TRPM8: variants seen among roughly 807,000 people sequenced by gnomAD.
The protein encoded by TRPM8 is transient receptor potential cation channel subfamily M member 8, also known as TRPM8 cationic channel.
TRPM8 carries 110 observed loss-of-function variants against 133.7 expected under a neutral mutation model. The observed-to-expected ratio is 0.82, with a 90% CI of 0.70 to 0.96. The LOEUF (loss-of-function observed/expected upper bound fraction) is 0.96. TRPM8 is among the 40% of genes least tolerant of loss of function. The probability of loss-of-function intolerance (pLI) is 0.00; values close to 1 mark genes in which losing one functional copy is unlikely to be tolerated. For missense variants in TRPM8, 1,291 were observed against 1,379.5 expected, an observed-to-expected ratio of 0.94 and a Z score of 1.02; for synonymous variants, 535 against 532.3, an observed-to-expected ratio of 1.01 and a Z score of -0.07.
intron 2 of TRPM8, chr2:233,929,788 G>A (rs1271696557): frequency 6.6e-6 from 1 of 152,210 alleles, no homozygotes; most frequent in Non-Finnish European, 1.5e-5. Flanking sequence ...ATTCAGGAAC[G>A]GTTGTATCTG....
At chr2:234,011,715 G>A (rs1018051026) in intron 24 of TRPM8, among the ~76,000 whole-genome samples, 37 of 151,876 alleles carry the variant, frequency 2.4e-4, no homozygotes, top group African/African-American at 6.0e-4. Context: ...TCAGGAGATC[G>A]AGACCATCCT....
At chr2:233,927,860 C>CTCTT (rs1176809297) in intron 2 of TRPM8, among the ~76,000 whole-genome samples, 2,724 of 23,966 alleles carry the variant, frequency 0.11, 577 homozygotes, top group Middle Eastern at 0.15. Flanking sequence ...TCCTTTCTTT[C>CTCTT]TCTTTCTTTC....
chr2:233,996,621 C>A, intron 22 of TRPM8, 105 bp downstream of exon 22: 1 of 1,041,692 alleles, frequency 9.6e-7, no homozygotes. Context: ...ACAGATCTTT[C>A]ACTGTTCACA....
rs11563126 is a variant in TRPM8 at position 233,991,797 on chromosome 2, A to G, written c.2940-4529A>G. Among the ~76,000 whole-genome samples the G allele has an allele frequency of 7.6e-3, 1,155 of 152,184 alleles. 19 individuals carry two copies. Among genetic ancestry groups the G allele is most frequent in the African/African-American group, 0.027 (1,111 of 41,512 alleles). On this transcript the variant is annotated intron_variant, in intron 21 of 25. Transcript: ENST00000324695. ...ATCTGTTGTACAAGTTTCCCTCATT[A>G]TTCTTATTCAAAACTTTTCTGGCAT...
At chr2:233,953,825 C>G in intron 9 of TRPM8, 92 bp from the exon 10 acceptor site, 1 of 921,818 alleles carries the variant, frequency 1.1e-6, no homozygotes, top group Non-Finnish European at 1.7e-6. Flanking sequence ...TACAGGTGGT[C>G]TTTTTAAAAA....
At chr2:233,968,242 G>A (rs1691625492) in intron 15 of TRPM8, 1 of 149,798 alleles carries the variant, frequency 6.7e-6, no homozygotes, top group South Asian at 2.2e-4. Context: ...CTCCCAAGAA[G>A]CAAACCCCAA....
At chr2:233,998,704 A>G (rs972236803) in intron 22 of TRPM8, among the ~76,000 whole-genome samples, 2 of 149,016 alleles carry the variant, frequency 1.3e-5, no homozygotes, top group African/African-American at 5.0e-5. Context: ...AGTTAGGGTG[A>G]GCCGCCTGTG....
rs28901623 is a variant in TRPM8 at position 233,937,635 on chromosome 2, T to C, written c.348+126T>C. The stretch of plus-strand genomic sequence containing the variant: ...GATGGGTAGTAAACACCAAAAACGA[T>C]TGCAGAAAAAGATACATCTTGTAAA... On this transcript the variant is annotated intron_variant, in intron 4 of 25. Coordinates refer to ENST00000324695, the MANE Select transcript of TRPM8 (RefSeq NM_024080.5). 5,979 of 1,123,164 alleles carry C rather than the reference T, an allele frequency of 5.3e-3. 189 individuals are homozygous for C. In the East Asian group the frequency reaches 0.079, roughly 15 times the overall value. The allele number at this position is 1,123,164 out of a possible 1,614,324, so 69.6% of individuals were successfully genotyped here. A position where few individuals can be genotyped will look rare whatever the true frequency, so the allele number is the denominator to read the frequency against.
intron 22 of TRPM8, among the ~76,000 whole-genome samples, chr2:234,003,617 G>A (rs1279122743): frequency 6.6e-6 from 1 of 152,196 alleles, no homozygotes; most frequent in South Asian, 2.1e-4. Flanking sequence ...GGGCCATTCT[G>A]TGCCTTCAGG....
At chr2:233,943,521 G>A (rs1282882801) in intron 6 of TRPM8, among the ~76,000 whole-genome samples, 1 of 152,144 alleles carries the variant, frequency 6.6e-6, no homozygotes, top group Non-Finnish European at 1.5e-5. Context: ...TGAACAATGA[G>A]AACTGCAATA....
chr2:234,006,794 T>TGAAAAGGGGC, intron 22 of TRPM8, 59 bp from the exon 23 acceptor site: 1 of 1,314,482 alleles, frequency 7.6e-7, no homozygotes. Flanking sequence ...AAGATCTTAA[T>TGAAAAGGGGC]TTAGGAAGCA....
Position 233,949,990 on chromosome 2 carries a change from G to T in TRPM8, c.984G>T (p.Val328=), listed in dbSNP as rs772840521. The T allele has an allele frequency of 1.9e-6, 3 of 1,614,046 alleles. No homozygotes were observed. Among genetic ancestry groups the T allele is most frequent in the Non-Finnish European group, 2.5e-6 (3 of 1,180,040 alleles). Residue 328 remains valine, a synonymous_variant, in exon 9 of 26, where the codon GTG becomes GTT. Coordinates refer to ENST00000324695, the MANE Select transcript of TRPM8 (RefSeq NM_024080.5). ...TSIKNKIPCV[V]VEGSGQIADV... is the part of the protein sequence containing the mutation. Reference sequence around the variant, plus strand: ...TCAAAAATAAAATTCCTTGTGTGGTGGTGGAAGGCTCGGGCCAGATCGCTG... The same window carrying T: ...TCAAAAATAAAATTCCTTGTGTGGTTGTGGAAGGCTCGGGCCAGATCGCTG...
At chr2:233,983,443 C>T in intron 20 of TRPM8, 1 of 559,296 alleles carries the variant, frequency 1.8e-6, no homozygotes, top group Non-Finnish European at 3.3e-6. Context: ...AATTTTTAAA[C>T]CTTTTTAAAA....
intron 6 of TRPM8, 62 bp downstream of exon 6, chr2:233,942,810 T>C (rs1690943721): frequency 6.2e-7 from 1 of 1,600,318 alleles, no homozygotes; most frequent in Non-Finnish European, 8.6e-7. Flanking sequence ...GGCATGGGCC[T>C]GTGGCCTGAA....
At chr2:234,011,641 G>A (rs760340571) in intron 24 of TRPM8, among the ~76,000 whole-genome samples, 6 of 151,982 alleles carry the variant, frequency 3.9e-5, no homozygotes, top group East Asian at 1.9e-4. Context: ...TTTCCTGGCC[G>A]GGCGCAGTGG....
chr2:233,921,253 A>G (rs1691400565), intron 1 of TRPM8, among the ~76,000 whole-genome samples: 1 of 152,094 alleles, frequency 6.6e-6, no homozygotes, highest in Non-Finnish European at 1.5e-5. Flanking sequence ...TACTGCCACA[A>G]CCGAATTTTG....
At chr2:233,960,681 G>T in intron 11 of TRPM8, 95 bp from the exon 12 acceptor site, 1 of 918,274 alleles carries the variant, frequency 1.1e-6, no homozygotes, top group Non-Finnish European at 1.7e-6. Context: ...CTCTGTGGCT[G>T]GAAATACAGT....
chr2:233,983,747 G>A (rs1248659028), intron 20 of TRPM8, among the ~76,000 whole-genome samples: 1 of 152,234 alleles, frequency 6.6e-6, no homozygotes, highest in Non-Finnish European at 1.5e-5. Context: ...TGTAAATTGT[G>A]TGTTTTGGAT....
intron 15 of TRPM8, among the ~76,000 whole-genome samples, chr2:233,969,401 C>T (rs761337895): frequency 2.6e-5 from 4 of 151,996 alleles, no homozygotes; most frequent in East Asian, 1.9e-4. Flanking sequence ...GCAGGAGAAT[C>T]GCTTGAACCT....
Sources: gnomAD v4.1 joint callset for allele counts (sites outside exome capture counted in the v4.1 genomes callset) on GRCh38, gnomAD v4.1.1 for gene constraint, MANE v1.5 for transcripts, NCBI Gene and HGNC (gene_info 2026-07-23, HGNC 2026-07-21) for gene names.